The following TIAM1 variants were observed in gnomAD, a reference collection of about 807,000 sequenced individuals.
TIAM1 encodes rho guanine nucleotide exchange factor TIAM1.
TIAM1 carries 65 observed loss-of-function variants against 163.5 expected under a neutral mutation model. The ratio of observed to expected loss-of-function variants is 0.40; its 90% CI spans 0.33 to 0.49. The LOEUF is 0.49. Among genes scored for constraint, TIAM1 ranks in the 20% least tolerant of loss-of-function variants. The pLI, the probability that TIAM1 is intolerant of heterozygous loss-of-function variation, is 0.77. For missense variants in TIAM1, 1,789 were observed against 2,044.7 expected, an observed-to-expected ratio of 0.87 and a Z score of 2.41; for synonymous variants, 833 against 810.1, an observed-to-expected ratio of 1.03 and a Z score of -0.48.
rs572947940 is a variant in TIAM1 at position 31,554,417 on chromosome 21, T to C, written c.-422+4510A>G. Among the ~76,000 whole-genome samples, 31 of 152,288 alleles carry C rather than the reference T, an allele frequency of 2.0e-4. No homozygotes were observed. In the South Asian group the frequency reaches 6.2e-3, roughly 31 times the overall value. On this transcript the variant is annotated intron_variant, in intron 1 of 28. Transcript: ENST00000286827. ...CCCCCTCCCTTTCATCTTTCTTTCA[T>C]GAATTCAAAGTGGTCCCAAACAGAA...
chr21:31,448,223 T>C (rs2044699682), intron 2 of TIAM1, among the ~76,000 whole-genome samples: 1 of 152,192 alleles, frequency 6.6e-6, no homozygotes, highest in Non-Finnish European at 1.5e-5. Context: ...CATTGTGTAA[T>C]AGGCCCCAAG....
At chr21:31,130,135 G>T in intron 25 of TIAM1, 78 bp downstream of exon 25, 19 of 1,095,080 alleles carry the variant, frequency 1.7e-5, no homozygotes, top group East Asian at 2.5e-5. Context: ...GTTAGACCAA[G>T]AGTGTGGATT....
intron 2 of TIAM1, among the ~76,000 whole-genome samples, chr21:31,410,714 GACAC>G (rs2077342320): frequency 6.6e-6 from 1 of 151,796 alleles, no homozygotes; most frequent in Non-Finnish European, 1.5e-5. Flanking sequence ...ATGTGAGAGA[GACAC>G]AGAGAGAAAG....
chr21:31,327,790 C>T (rs889436968), intron 2 of TIAM1, among the ~76,000 whole-genome samples: 3 of 152,044 alleles, frequency 2.0e-5, no homozygotes, highest in Non-Finnish European at 4.4e-5. Flanking sequence ...AAAGTCTAAT[C>T]GATGCCCAAA....
At chr21:31,191,240 C>A (rs1002379488) in intron 13 of TIAM1, among the ~76,000 whole-genome samples, 3 of 152,128 alleles carry the variant, frequency 2.0e-5, no homozygotes, top group African/African-American at 7.2e-5. Flanking sequence ...CAGCTCACTG[C>A]AACCTCTGCC....
chr21:31,152,698 G>A lies in TIAM1; in HGVS notation c.3304C>T (p.Leu1102=). The A allele has an allele frequency of 6.2e-7, 1 of 1,614,170 alleles. No individual in the cohort carries two copies. Among genetic ancestry groups the A allele is most frequent in the Non-Finnish European group, 8.5e-7 (1 of 1,180,026 alleles). The change falls in exon 19 of 28, where the codon CTA becomes TTA. Residue 1102 remains leucine, a synonymous_variant. Coordinates refer to ENST00000541036, the MANE Select transcript of TIAM1 (RefSeq NM_001353694.2). ...VEFQVEFLKT[L]EDGVRLVPDL... ...GGTACCAGTCTCACTCCATCTTCTAGAGTTTTAAGGAATTCTACTTGAAAC... is the reference window on the plus strand; with the variant it reads ...GGTACCAGTCTCACTCCATCTTCTAAAGTTTTAAGGAATTCTACTTGAAAC...
chr21:31,141,278 C>T lies in TIAM1; in HGVS notation c.3656-42G>A, dbSNP rs752562406. On this transcript the variant is annotated intron_variant, in intron 21 of 27. Coordinates refer to ENST00000541036, the MANE Select transcript of TIAM1 (RefSeq NM_001353694.2). This position sits in a 1 kb window ranked among gnomAD's most constrained non-coding sequence, Gnocchi z 4.7. ...TGTGAAATGAGAGGCTATTTAGAGA[C>T]CCTCATGGAGACTCAGGCCTGCCGG... 5 of 1,613,678 alleles carry T rather than the reference C, an allele frequency of 3.1e-6. 1 individual carries two copies. The South Asian group carries it at 5.5e-5, about 18-fold the overall frequency.
intron 26 of TIAM1, among the ~76,000 whole-genome samples, chr21:31,125,955 T>C (rs987547356): frequency 3.3e-5 from 5 of 152,232 alleles, no homozygotes; most frequent in Admixed American, 2.6e-4. Context: ...GGAGTAAGAA[T>C]TGTATTAGGT....
chr21:31,542,014 C>A (rs942492649), intron 1 of TIAM1, among the ~76,000 whole-genome samples: 1 of 152,196 alleles, frequency 6.6e-6, no homozygotes, highest in Admixed American at 6.5e-5. Flanking sequence ...AGTGCCCTCA[C>A]CCCTCCCTCT....
chr21:31,250,084 T>C (rs142772108), intron 5 of TIAM1, among the ~76,000 whole-genome samples: 2,246 of 146,698 alleles, frequency 0.015, 65 homozygotes, highest in African/African-American at 0.053. Context: ...AATTTGTGGC[T>C]GCAGTGAGCT....
chr21:31,312,117 G>C (rs888430332), intron 2 of TIAM1, among the ~76,000 whole-genome samples: 5 of 152,192 alleles, frequency 3.3e-5, no homozygotes. Context: ...TGCTTTTGAG[G>C]CTTGGGGACT....
intron 15 of TIAM1, among the ~76,000 whole-genome samples, chr21:31,179,902 ATTTTTTT>A (rs764892757): frequency 2.3e-5 from 3 of 131,276 alleles, no homozygotes; most frequent in East Asian, 4.3e-4. Flanking sequence ...ACATACACAG[ATTTTTTT>A]TTTTTTTTTT....
intron 1 of TIAM1, chr21:31,558,884 G>T (rs1408107700): frequency 6.6e-6 from 1 of 152,078 alleles, no homozygotes; most frequent in Admixed American, 6.6e-5. Context: ...TCCCGGGGCG[G>T]CTCCGGCCGG....
At chr21:31,222,084 T>G (rs933778938) in intron 8 of TIAM1, among the ~76,000 whole-genome samples, 1 of 152,200 alleles carries the variant, frequency 6.6e-6, no homozygotes, top group Non-Finnish European at 1.5e-5. Context: ...GGTTTAAGAC[T>G]TCTTTAAAAA....
Position 31,195,293 on chromosome 21 carries a change from T to C in TIAM1, c.2506A>G (p.Ile836Val). ...EDIYELLYKE[I>V]EICPKVTQSI... ...TGAGTGACTTTTGGACAGATTTCAATTTCTTTGTACAGCTGAAAGTTACAA... is the reference window on the plus strand; with the variant it reads ...TGAGTGACTTTTGGACAGATTTCAACTTCTTTGTACAGCTGAAAGTTACAA... Residue 836 changes from isoleucine (I) to valine (V), a missense_variant, in exon 13 of 28, where the codon ATT (isoleucine) becomes GTT (valine). Coordinates refer to ENST00000541036, the MANE Select transcript of TIAM1 (RefSeq NM_001353694.2). The C allele has an allele frequency of 6.2e-7, 1 of 1,612,714 alleles. No homozygotes were observed. The highest frequency in any genetic ancestry group is 8.5e-7 in the Non-Finnish European group (1 of 1,179,046).
At chr21:31,265,493 C>T (rs965834339) in intron 4 of TIAM1, among the ~76,000 whole-genome samples, 9 of 151,904 alleles carry the variant, frequency 5.9e-5, no homozygotes, top group Non-Finnish European at 8.8e-5. Flanking sequence ...ATTGAAATGG[C>T]TCCCGGTAAG....
chr21:31,366,213 T>C (rs1260997553), intron 2 of TIAM1, among the ~76,000 whole-genome samples: 2 of 151,724 alleles, frequency 1.3e-5, no homozygotes, highest in Non-Finnish European at 2.9e-5. Context: ...ACAGAGGTCA[T>C]AGGAAGTAAA....
intron 1 of TIAM1, among the ~76,000 whole-genome samples, chr21:31,491,596 A>G (rs985380895): frequency 6.6e-6 from 1 of 152,216 alleles, no homozygotes. Context: ...CAGAAGGCTG[A>G]CCAACTGATA....
At chr21:31,354,292 G>A (rs979748271) in intron 2 of TIAM1, among the ~76,000 whole-genome samples, 1 of 152,096 alleles carries the variant, frequency 6.6e-6, no homozygotes, top group Non-Finnish European at 1.5e-5. Flanking sequence ...ATATTTTAGG[G>A]TTTGTCATGA....
Sources: allele counts gnomAD v4.1 joint callset (sites outside exome capture counted in the v4.1 genomes callset), GRCh38; gene constraint gnomAD v4.1.1; non-coding constraint Gnocchi (gnomAD v3.1); transcripts MANE v1.5; gene names NCBI Gene and HGNC (gene_info 2026-07-23, HGNC 2026-07-21).